CFAP61: variants seen among roughly 807,000 people sequenced by gnomAD.
CFAP61 encodes cilia- and flagella-associated protein 61.
In CFAP61, 107 loss-of-function variants were observed where a neutral mutation model predicts 135.6. The ratio of observed to expected loss-of-function variants is 0.79; its 90% CI spans 0.67 to 0.93. The LOEUF is 0.93. Among genes scored for constraint, CFAP61 ranks in the 40% least tolerant of loss-of-function variants. CFAP61 has a pLI of 0.00. For missense variants in CFAP61, 1,507 were observed against 1,556.2 expected (o/e 0.97, Z 0.53); for synonymous variants, 575 against 578.5 (o/e 0.99, Z 0.09).
intron 8 of CFAP61, among the ~76,000 whole-genome samples, chr20:20,140,425 T>G (rs1055978431): frequency 4.0e-4 from 23 of 57,016 alleles, no homozygotes; most frequent in Admixed American, 3.3e-3. Context: ...TTCCCACCTA[T>G]GAGTGAGAAC....
chr20:20,317,272 G>C (rs6106230), intron 25 of CFAP61, among the ~76,000 whole-genome samples: 1 of 152,072 alleles, frequency 6.6e-6, no homozygotes, highest in African/African-American at 2.4e-5. Context: ...ACTAAAGGAG[G>C]TGCTGTACAG....
intron 13 of CFAP61, chr20:20,184,604 C>T (rs1372744551): frequency 6.6e-6 from 1 of 152,082 alleles, no homozygotes; most frequent in African/African-American, 2.4e-5. Flanking sequence ...GGAACAGGCT[C>T]ATAGATTTGC....
At position 20,277,400 on chromosome 20, in the gene CFAP61, A is replaced by T; in HGVS notation, c.2738A>T (p.Asp913Val). Reference sequence around the variant, plus strand: ...CAGTGGAATGACGGCCTGCACCCAGACCCCATCTACAGCGCCTCCTTCACC... The same window carrying T: ...CAGTGGAATGACGGCCTGCACCCAGTCCCCATCTACAGCGCCTCCTTCACC... ...LAQWNDGLHP[D>V]PIYSASFTTP... The change falls in exon 22 of 27, where the codon GAC becomes GTC. Residue 913 changes from aspartate (D) to valine (V), a missense_variant. Transcript: ENST00000245957. 6.2e-7 allele frequency: 1 copy of T among 1,613,894 alleles called. No individual in the cohort carries two copies.
intron 8 of CFAP61, among the ~76,000 whole-genome samples, chr20:20,140,200 A>C (rs1310706598): frequency 1.2e-5 from 1 of 84,540 alleles, no homozygotes; most frequent in South Asian, 3.6e-4. Flanking sequence ...TTTTTATTTT[A>C]TTATTATTAT....
intron 8 of CFAP61, among the ~76,000 whole-genome samples, chr20:20,121,495 T>G (rs76084814): frequency 6.6e-6 from 1 of 151,860 alleles, no homozygotes; most frequent in Admixed American, 6.6e-5. Flanking sequence ...GTTTTTAAAA[T>G]TTTTAAATAT....
At chr20:20,128,451 C>T (rs920751309) in intron 8 of CFAP61, among the ~76,000 whole-genome samples, 1 of 151,696 alleles carries the variant, frequency 6.6e-6, no homozygotes, top group Non-Finnish European at 1.5e-5. Context: ...AAACAGACCT[C>T]CAGTTTCTGC....
chr20:20,123,708 A>G (rs924846036), intron 8 of CFAP61, among the ~76,000 whole-genome samples: 3 of 151,674 alleles, frequency 2.0e-5, no homozygotes, highest in Non-Finnish European at 2.9e-5. Context: ...TGCTTTGGCT[A>G]TGCGGGCTCT....
At chr20:20,226,870 A>G (rs1242746082) in intron 17 of CFAP61, among the ~76,000 whole-genome samples, 4 of 152,230 alleles carry the variant, frequency 2.6e-5, no homozygotes, top group Admixed American at 2.0e-4. Flanking sequence ...AGTGAGTCCA[A>G]TCTCTTCCGA....
intron 8 of CFAP61, among the ~76,000 whole-genome samples, chr20:20,135,244 C>T (rs2050834528): frequency 6.6e-6 from 1 of 152,194 alleles, no homozygotes; most frequent in Non-Finnish European, 1.5e-5. Context: ...CATAGGCCTG[C>T]TGACACCTTG....
At chr20:20,152,451 A>G (rs1413499008) in intron 9 of CFAP61, among the ~76,000 whole-genome samples, 1 of 152,236 alleles carries the variant, frequency 6.6e-6, no homozygotes, top group African/African-American at 2.4e-5. Flanking sequence ...ACATTCACCA[A>G]TCAAGTATCT....
chr20:20,267,212 T>C (rs1448502899), intron 21 of CFAP61, among the ~76,000 whole-genome samples: 1 of 151,718 alleles, frequency 6.6e-6, no homozygotes, highest in East Asian at 2.0e-4. Context: ...AGAGAGAGGC[T>C]GGGGGAGTTT....
intron 8 of CFAP61, among the ~76,000 whole-genome samples, chr20:20,132,293 A>G (rs2050593703): frequency 6.6e-6 from 1 of 152,046 alleles, no homozygotes; most frequent in African/African-American, 2.4e-5. Context: ...TCTGTTGTAT[A>G]TATATATATG....
chr20:20,136,134 T>C (rs1308097241), intron 8 of CFAP61, among the ~76,000 whole-genome samples: 1 of 152,114 alleles, frequency 6.6e-6, no homozygotes, highest in African/African-American at 2.4e-5. Flanking sequence ...TATTATTTGT[T>C]TTTTTTTCTC....
intron 8 of CFAP61, among the ~76,000 whole-genome samples, chr20:20,120,767 T>A (rs562301019): frequency 6.6e-6 from 1 of 152,310 alleles, no homozygotes; most frequent in Non-Finnish European, 1.5e-5. Context: ...AGTCTATCTC[T>A]CCCTTCACAT....
intron 25 of CFAP61, among the ~76,000 whole-genome samples, chr20:20,321,094 G>C (rs1476304914): frequency 6.6e-6 from 1 of 151,978 alleles, no homozygotes; most frequent in Non-Finnish European, 1.5e-5. Context: ...ATATTGCATT[G>C]TTAAAATAAT....
intron 8 of CFAP61, among the ~76,000 whole-genome samples, chr20:20,117,738 G>T (rs182764510): frequency 1.1e-3 from 161 of 151,970 alleles, no homozygotes; most frequent in African/African-American, 3.7e-3. Context: ...TTCCATTTTT[G>T]TATGTATGTG....
intron 3 of CFAP61, among the ~76,000 whole-genome samples, chr20:20,073,621 T>G (rs780718234): frequency 2.2e-4 from 34 of 151,446 alleles, no homozygotes; most frequent in Non-Finnish European, 2.9e-5. Context: ...GACCAATGTG[T>G]GGATGTTTGA....
chr20:20,203,231 C>G (rs2056709613), intron 17 of CFAP61, among the ~76,000 whole-genome samples: 1 of 152,260 alleles, frequency 6.6e-6, no homozygotes, highest in Non-Finnish European at 1.5e-5. Flanking sequence ...AATCAGGCCT[C>G]AAAGATTCAT....
At chr20:20,250,667 C>T (rs1214855191) in intron 19 of CFAP61, among the ~76,000 whole-genome samples, 2 of 152,108 alleles carry the variant, frequency 1.3e-5, no homozygotes, top group African/African-American at 4.8e-5. Context: ...AATCATACAG[C>T]CTAAATTAAA....
Sources: gnomAD v4.1 joint callset for allele counts (sites outside exome capture counted in the v4.1 genomes callset) on GRCh38, gnomAD v4.1.1 for gene constraint, MANE v1.5 for transcripts, NCBI Gene and HGNC (gene_info 2026-07-23, HGNC 2026-07-21) for gene names.